The following MAML2 variants were observed in gnomAD, a reference collection of about 807,000 sequenced individuals.
The protein encoded by MAML2 is mastermind-like protein 2.
A neutral mutation model predicts 96.1 loss-of-function variants in MAML2; 22 were observed. The ratio of observed to expected loss-of-function variants is 0.23; its 90% CI spans 0.16 to 0.33. MAML2 has a LOEUF of 0.33. MAML2 is among the 10% of genes least tolerant of loss of function. The pLI, the probability that MAML2 is intolerant of heterozygous loss-of-function variation, is 1.00. For synonymous variants in MAML2, 561 were observed against 521.3 expected (o/e 1.08, Z -1.04); for missense variants, 1,367 against 1,392.4 (o/e 0.98, Z 0.29).
intron 1 of MAML2, among the ~76,000 whole-genome samples, chr11:96,322,138 A>C (rs569670785): frequency 5.7e-4 from 87 of 152,286 alleles, no homozygotes; most frequent in African/African-American, 1.9e-3. Flanking sequence ...CCTGGAGTGC[A>C]CCGCTAATAA....
chr11:96,169,544 C>T (rs1348471514), intron 1 of MAML2, among the ~76,000 whole-genome samples: 1 of 152,186 alleles, frequency 6.6e-6, no homozygotes, highest in Non-Finnish European at 1.5e-5. Flanking sequence ...TTGAAAGGCA[C>T]TAGCAATAGT....
rs111801400 is a variant in MAML2, at chr11:96,092,183, C to G, written c.1848G>C (p.Gln616His). The change falls in exon 2 of 5, where the codon CAG (glutamine) becomes CAC (histidine). Residue 616 changes from glutamine (Q) to histidine (H), a missense_variant. Gln to His is a conservative substitution (Grantham distance 24, BLOSUM62 0). Transcript: ENST00000524717. This position sits in a 1 kb window ranked among gnomAD's most constrained non-coding sequence, Gnocchi z 4.1. Reference protein sequence around the residue: ...QQQQQQQQQQQQQQQQSSISA... With the variant: ...QQQQQQQQQQHQQQQQSSISA... The stretch of plus-strand genomic sequence containing the variant: ...AAATTGAACTCTGCTGTTGCTGTTG[C>G]TGTTGCTGTTGCTGCTGCTGCTGCT... 1.2e-5 allele frequency: 18 copies of G among 1,539,864 alleles called. No individual in the cohort carries two copies. The African/African-American group carries it at 1.3e-4, about 11-fold the overall frequency.
intron 4 of MAML2, among the ~76,000 whole-genome samples, chr11:95,985,245 C>T (rs1353540488): frequency 1.3e-5 from 2 of 152,124 alleles, no homozygotes; most frequent in African/African-American, 2.4e-5. Flanking sequence ...TAAGGTATAT[C>T]TTTGGAAGGA....
intron 1 of MAML2, among the ~76,000 whole-genome samples, chr11:96,218,340 CTTAA>C (rs1862079821): frequency 6.6e-6 from 1 of 152,172 alleles, no homozygotes; most frequent in Non-Finnish European, 1.5e-5. Context: ...GTGAACCCCA[CTTAA>C]TTGTCATCTT....
intron 1 of MAML2, among the ~76,000 whole-genome samples, chr11:96,239,918 A>C (rs1021938115): frequency 3.9e-5 from 6 of 152,206 alleles, no homozygotes; most frequent in African/African-American, 1.4e-4. Context: ...GACTATTCCC[A>C]TTGGCAAATT....
At chr11:96,306,554 T>C (rs987329869) in intron 1 of MAML2, among the ~76,000 whole-genome samples, 5 of 152,224 alleles carry the variant, frequency 3.3e-5, no homozygotes, top group Admixed American at 1.3e-4. Context: ...TCAGCATAGT[T>C]AGACAACGAC....
intron 1 of MAML2, among the ~76,000 whole-genome samples, chr11:96,167,426 G>C (rs1861212290): frequency 6.6e-6 from 1 of 152,148 alleles, no homozygotes; most frequent in African/African-American, 2.4e-5. Context: ...CTTCCCATCA[G>C]AGAAATCTGA....
intron 2 of MAML2, among the ~76,000 whole-genome samples, chr11:96,017,065 G>A (rs1858365115): frequency 6.6e-6 from 1 of 152,158 alleles, no homozygotes; most frequent in South Asian, 2.1e-4. Flanking sequence ...AACATGTATT[G>A]AGGGCTTGAT....
chr11:96,322,689 G>C (rs981447964), intron 1 of MAML2, among the ~76,000 whole-genome samples: 1 of 152,020 alleles, frequency 6.6e-6, no homozygotes, highest in Admixed American at 6.6e-5. Flanking sequence ...GCGAGACTCC[G>C]TCTCAAAAAA....
rs1245326992 is a variant in MAML2 at position 96,341,542 on chromosome 11, T to C, written c.354A>G (p.Ala118=). 1 of 1,548,720 alleles carries C rather than the reference T, an allele frequency of 6.5e-7. No homozygotes were observed. The highest frequency in any genetic ancestry group is 2.0e-5 in the Admixed American group (1 of 50,754). The part of the protein sequence containing the change: ...PPAAPPAASQ[A]AATAAPPPPP... The stretch of plus-strand genomic sequence containing the variant: ...GGGGCGGTGGGGCTGCTGTTGCTGC[T>C]GCTTGGGAGGCCGCAGGAGGGGCAG... Residue 118 remains alanine (A), a synonymous_variant, in exon 1 of 5, where the codon GCA becomes GCG. Transcript: ENST00000524717.
chr11:96,030,197 C>A (rs574951449), intron 2 of MAML2, among the ~76,000 whole-genome samples: 1 of 151,620 alleles, frequency 6.6e-6, no homozygotes, highest in African/African-American at 2.4e-5. Flanking sequence ...GATTGCGCCA[C>A]TGCACTCCAG....
chr11:96,241,424 C>A (rs1196835502), intron 1 of MAML2, among the ~76,000 whole-genome samples: 1 of 152,110 alleles, frequency 6.6e-6, no homozygotes, highest in Non-Finnish European at 1.5e-5. Context: ...GGTGATTTGG[C>A]CCCCCAGGAG....
intron 1 of MAML2, among the ~76,000 whole-genome samples, chr11:96,236,959 C>T (rs1862374651): frequency 6.6e-6 from 1 of 152,176 alleles, no homozygotes; most frequent in East Asian, 1.9e-4. Context: ...TCCAAAATCC[C>T]AAAGAACAGC....
intron 1 of MAML2, among the ~76,000 whole-genome samples, chr11:96,314,649 CTTAACT>C (rs141262854): frequency 0.022 from 3,320 of 152,308 alleles, 43 homozygotes; most frequent in African/African-American, 0.028. Flanking sequence ...AAATAGGCAG[CTTAACT>C]TTTTTTCCCC....
At chr11:96,301,261 G>T (rs528515307) in intron 1 of MAML2, among the ~76,000 whole-genome samples, 4 of 152,142 alleles carry the variant, frequency 2.6e-5, no homozygotes, top group Non-Finnish European at 4.4e-5. Context: ...TTCTGAATCT[G>T]CATTTTAGCC....
chr11:96,341,867 G>A lies in MAML2; in HGVS notation c.29C>T (p.Pro10Leu), dbSNP rs764316230. Residue 10 changes from proline to leucine, a missense_variant, in exon 1 of 5, where the codon CCC (proline) becomes CTC (leucine). Physicochemically the swap from Pro to Leu is moderately conservative, Grantham distance 98 (BLOSUM62 -3). Coordinates refer to ENST00000524717, the MANE Select transcript of MAML2 (RefSeq NM_032427.4). MGDTAPPQA[P>L]AGGLGGASGA... ...AGAGGCCCCCCCTAGCCCTCCTGCGGGGGCCTGCGGGGGCGCTGTGTCCCC... is the reference window on the plus strand; with the variant it reads ...AGAGGCCCCCCCTAGCCCTCCTGCGAGGGCCTGCGGGGGCGCTGTGTCCCC... 3.9e-6 allele frequency: 6 copies of A among 1,538,134 alleles called. No individual in the cohort carries two copies. In the Admixed American group the frequency reaches 9.8e-5, roughly 25 times the overall value.
chr11:96,244,340 A>T (rs144311821), intron 1 of MAML2, among the ~76,000 whole-genome samples: 2 of 152,224 alleles, frequency 1.3e-5, no homozygotes, highest in Non-Finnish European at 2.9e-5. Context: ...ACGTTTTCAT[A>T]TGTAAGCTAT....
chr11:96,338,572 A>G (rs1863948402), intron 1 of MAML2, among the ~76,000 whole-genome samples: 1 of 152,228 alleles, frequency 6.6e-6, no homozygotes, highest in Non-Finnish European at 1.5e-5. Flanking sequence ...TTTCACCTTC[A>G]TTCAACAAAT....
chr11:95,994,426 G>A (rs1194788328), intron 2 of MAML2, among the ~76,000 whole-genome samples: 1 of 152,184 alleles, frequency 6.6e-6, no homozygotes, highest in East Asian at 1.9e-4. Context: ...TTGGAGACAA[G>A]TACTTGAGGG....
Sources: gnomAD v4.1 joint callset for allele counts (sites outside exome capture counted in the v4.1 genomes callset) on GRCh38, gnomAD v4.1.1 for gene constraint, Gnocchi (gnomAD v3.1) non-coding constraint, MANE v1.5 for transcripts, NCBI Gene and HGNC (gene_info 2026-07-23, HGNC 2026-07-21) for gene names.